The following TAF4 variants were observed in gnomAD, a reference collection of about 807,000 sequenced individuals.
TAF4 encodes the protein TATA-box binding protein associated factor 4.
TAF4 carries 9 observed loss-of-function variants against 90.3 expected under a neutral mutation model. The observed-to-expected ratio is 0.10, with a 90% CI of 0.06 to 0.17. The LOEUF (loss-of-function observed/expected upper bound fraction) is 0.17. Ranked by LOEUF, TAF4 falls within the 10% of genes least tolerant of loss-of-function variation. The pLI, the probability that TAF4 is intolerant of heterozygous loss-of-function variation, is 1.00. For synonymous variants in TAF4, 818 were observed against 638.9 expected (o/e 1.28, Z -4.23); for missense variants, 1,351 against 1,370.7 (o/e 0.99, Z 0.23).
At chr20:62,055,779 G>A (rs1033123099) in intron 1 of TAF4, among the ~76,000 whole-genome samples, 13 of 152,298 alleles carry the variant, frequency 8.5e-5, no homozygotes, top group African/African-American at 2.9e-4. Flanking sequence ...ACCCAAGGGT[G>A]CTAATCACAA....
intron 1 of TAF4, among the ~76,000 whole-genome samples, chr20:62,045,718 G>C (rs1392155605): frequency 6.6e-6 from 1 of 152,228 alleles, no homozygotes; most frequent in African/African-American, 2.4e-5. Flanking sequence ...TGGAAAGGGT[G>C]AACGCTGAGG....
chr20:62,052,834 C>A (rs1265171305), intron 1 of TAF4, among the ~76,000 whole-genome samples: 1 of 147,222 alleles, frequency 6.8e-6, no homozygotes, highest in East Asian at 2.0e-4. Flanking sequence ...TCCCTCGCGC[C>A]ATCCCCCATA....
Position 62,006,604 on chromosome 20 carries a change from G to A in TAF4, c.2129C>T (p.Ala710Val), listed in dbSNP as rs771680872. ...SSVQRTAGKT[A>V]ATVTSALQPP... Reference sequence around the variant, plus strand: ...CTGGAGGGCACTGGTCACGGTGGCCGCCGTCTTCCCGGCCGTGCGCTGGAC... The same window carrying A: ...CTGGAGGGCACTGGTCACGGTGGCCACCGTCTTCCCGGCCGTGCGCTGGAC... Residue 710 changes from alanine (A) to valine (V), a missense_variant, in exon 7 of 15, where the codon GCG becomes GTG. This residue lies in a region of TAF4 where 202 missense variants were observed against 229.7 expected (regional missense o/e 0.88). Transcript: ENST00000252996. This position sits in a 1 kb window ranked among gnomAD's most constrained non-coding sequence, Gnocchi z 7.0. The A allele has an allele frequency of 1.2e-5, 19 of 1,599,914 alleles. No homozygotes were observed. Among genetic ancestry groups the A allele is most frequent in the Admixed American group, 8.5e-5 (5 of 58,840 alleles).
intron 14 of TAF4, among the ~76,000 whole-genome samples, chr20:61,996,990 A>T (rs2055666830): frequency 6.6e-6 from 1 of 152,192 alleles, no homozygotes; most frequent in African/African-American, 2.4e-5. Context: ...ATAAGGAGGG[A>T]AACATAAAAG....
At position 62,009,171 on chromosome 20, in the gene TAF4, T is replaced by C; in HGVS notation, c.1765A>G (p.Thr589Ala). The change falls in exon 5 of 15, where the codon ACT (threonine) becomes GCT (alanine). Residue 589 changes from threonine to alanine, a missense_variant. Around this residue, in one of 9 missense-constraint regions of TAF4, gnomAD observed 44 missense variants for 97.4 expected, o/e 0.45. Coordinates refer to ENST00000252996, the MANE Select transcript of TAF4 (RefSeq NM_003185.4). ...TTACATTTCTTCACGTTTTCCATAG[T>C]TTCCTGGATTAAAGTAAAAAGATAT... ...ATTTSSAATETMENVKKCKNF... is the reference protein window; with the variant it reads ...ATTTSSAATEAMENVKKCKNF... The C allele has an allele frequency of 6.2e-7, 1 of 1,605,184 alleles. No homozygotes were observed. The highest frequency in any genetic ancestry group is 8.5e-7 in the Non-Finnish European group (1 of 1,177,506).
intron 1 of TAF4, among the ~76,000 whole-genome samples, chr20:62,027,262 G>A (rs779107924): frequency 7.2e-5 from 11 of 152,122 alleles, no homozygotes; most frequent in Non-Finnish European, 1.2e-4. Context: ...GAGCAGCGTC[G>A]TCAAAAGAGC....
At chr20:61,993,810 T>A (rs1216844832) in intron 14 of TAF4, among the ~76,000 whole-genome samples, 1 of 152,142 alleles carries the variant, frequency 6.6e-6, no homozygotes. Context: ...TAGAGTGCAG[T>A]GGCACAATCT....
At chr20:62,046,905 C>A (rs2055996482) in intron 1 of TAF4, among the ~76,000 whole-genome samples, 1 of 152,174 alleles carries the variant, frequency 6.6e-6, no homozygotes, top group Admixed American at 6.5e-5. Context: ...CCATTTTTAA[C>A]CGTTGTTTGT....
chr20:62,050,402 A>G (rs920448479), intron 1 of TAF4, among the ~76,000 whole-genome samples: 2 of 152,064 alleles, frequency 1.3e-5, no homozygotes, highest in Non-Finnish European at 2.9e-5. Flanking sequence ...ATAGGAGGCA[A>G]CTTCTGACGA....
At position 62,064,538 on chromosome 20, in the gene TAF4, C is replaced by T; in HGVS notation, c.1273G>A (p.Ala425Thr). ...TPTATTSGIRATLTPTVLAPR... is the reference protein window; with the variant it reads ...TPTATTSGIRTTLTPTVLAPR... The stretch of plus-strand genomic sequence containing the variant: ...GCCAGCACGGTGGGCGTCAGGGTGG[C>T]CCGAATCCCGCTGGTGGTGGCCGTG... The change falls in exon 1 of 15, where the codon GCC (alanine) becomes ACC (threonine). Residue 425 changes from alanine to threonine, a missense_variant. This residue lies in a region of TAF4 where 782 missense variants were observed against 536.6 expected (regional missense o/e 1.46). Transcript: ENST00000252996. 1 of 1,526,924 alleles carries T rather than the reference C, an allele frequency of 6.5e-7. No homozygotes were observed. The highest frequency in any genetic ancestry group is 1.7e-4 in the Middle Eastern group (1 of 5,804). The allele number at this position is 1,526,924 out of a possible 1,614,324, so 94.6% of individuals were successfully genotyped here. A position where few individuals can be genotyped will look rare whatever the true frequency, so the allele number is the denominator to read the frequency against.
At chr20:62,019,195 G>A (rs2055828939) in intron 1 of TAF4, among the ~76,000 whole-genome samples, 1 of 152,208 alleles carries the variant, frequency 6.6e-6, no homozygotes, top group African/African-American at 2.4e-5. Flanking sequence ...AGAAGTACAA[G>A]AACAATGGAA....
chr20:62,040,292 G>A (rs1189699588), intron 1 of TAF4, among the ~76,000 whole-genome samples: 6 of 152,254 alleles, frequency 3.9e-5, no homozygotes, highest in Admixed American at 1.3e-4. Context: ...GCAACGCAAA[G>A]GAACCAGCTA....
chr20:62,006,696 C>G lies in TAF4; in HGVS notation c.2037G>C (p.Gln679His). The G allele has an allele frequency of 6.3e-7, 1 of 1,589,864 alleles. No individual in the cohort carries two copies. The highest frequency in any genetic ancestry group is 8.6e-7 in the Non-Finnish European group (1 of 1,164,518). Reference sequence around the variant, plus strand: ...GCGAGGTGGGCGGTGGCGGCTGCTGCTGGCTCTGCTGGATGAAGGCCGCGG... The same window carrying G: ...GCGAGGTGGGCGGTGGCGGCTGCTGGTGGCTCTGCTGGATGAAGGCCGCGG... ...PDSAAFIQQS[Q>H]QQPPPPTSQA... Residue 679 changes from glutamine (Q) to histidine (H), a missense_variant, in exon 7 of 15, where the codon CAG (glutamine) becomes CAC (histidine). Gln to His is a conservative substitution (Grantham distance 24). Around this residue, in one of 9 missense-constraint regions of TAF4, gnomAD observed 202 missense variants for 229.7 expected, o/e 0.88. Transcript: ENST00000252996. This position sits in a 1 kb window ranked among gnomAD's most constrained non-coding sequence, Gnocchi z 7.0.
At chr20:62,064,225 T>A (rs1303703108) in intron 1 of TAF4, 2 of 435,996 alleles carry the variant, frequency 4.6e-6, no homozygotes, top group Non-Finnish European at 7.7e-6. Flanking sequence ...AGCGCGGACG[T>A]CAGGGACAGC....
At chr20:62,009,489 C>T (rs978368515) in intron 4 of TAF4, among the ~76,000 whole-genome samples, 7 of 152,242 alleles carry the variant, frequency 4.6e-5, no homozygotes, top group Non-Finnish European at 1.0e-4. Flanking sequence ...ATAAGGACAA[C>T]CTATGCCAAT....
intron 1 of TAF4, among the ~76,000 whole-genome samples, chr20:62,017,581 A>C (rs914518453): frequency 1.3e-5 from 2 of 152,174 alleles, no homozygotes; most frequent in African/African-American, 4.8e-5. Context: ...TGGGAGGCAG[A>C]GCTTGCAGTG....
chr20:62,041,112 G>A (rs1316300501), intron 1 of TAF4, among the ~76,000 whole-genome samples: 1 of 151,872 alleles, frequency 6.6e-6, no homozygotes, highest in Non-Finnish European at 1.5e-5. Flanking sequence ...CGCTCCAAAG[G>A]ACAGATCCAC....
chr20:62,048,287 C>G (rs1307776918), intron 1 of TAF4, among the ~76,000 whole-genome samples: 1 of 152,178 alleles, frequency 6.6e-6, no homozygotes, highest in East Asian at 1.9e-4. Context: ...GGCAGCCCAG[C>G]CCTGTACTAG....
chr20:62,007,822 C>T lies in TAF4; in HGVS notation c.1885-186G>A, dbSNP rs1016759798. On this transcript the variant is annotated intron_variant, in intron 5 of 14. Transcript: ENST00000252996. ...ATGTGTGACAGGCGCTCACCCTGGA[C>T]ACTGCAGTGCAGCCAGCTGCGGACC... 5.6e-6 allele frequency: 3 copies of T among 538,882 alleles called. No homozygotes were observed. In the African/African-American group the frequency reaches 5.9e-5, roughly 11 times the overall value. The allele number at this position is 538,882 out of a possible 1,614,324, so 33.4% of individuals were successfully genotyped here.
Sources: allele counts gnomAD v4.1 joint callset (sites outside exome capture counted in the v4.1 genomes callset), GRCh38; gene constraint gnomAD v4.1.1; regional missense constraint gnomAD v4.1.1; non-coding constraint Gnocchi (gnomAD v3.1); transcripts MANE v1.5; gene names NCBI Gene and HGNC (gene_info 2026-07-23, HGNC 2026-07-21).